CFAP20DC: variants seen among roughly 807,000 people sequenced by gnomAD.
CFAP20DC encodes the protein CFAP20 domain containing, also known as protein CFAP20DC.
CFAP20DC carries 84 observed loss-of-function variants against 101.7 expected under a neutral mutation model. That is an observed-to-expected ratio of 0.83 (90% CI 0.69 to 0.99). The LOEUF (loss-of-function observed/expected upper bound fraction) is 0.99. CFAP20DC is among the 50% of genes least tolerant of loss of function. The pLI is 0.00. For missense variants in CFAP20DC, 1,007 were observed against 970.3 expected (o/e 1.04, Z -0.50); for synonymous variants, 359 against 351.2 (o/e 1.02, Z -0.25).
intron 15 of CFAP20DC, among the ~76,000 whole-genome samples, chr3:58,796,216 C>T (rs1265817964): frequency 6.6e-6 from 1 of 152,256 alleles, no homozygotes; most frequent in East Asian, 1.9e-4. Context: ...AGTGATGGGT[C>T]AGGGGACCAC....
intron 7 of CFAP20DC, among the ~76,000 whole-genome samples, chr3:58,872,130 C>T (rs1447761267): frequency 2.6e-5 from 4 of 152,154 alleles, no homozygotes; most frequent in Non-Finnish European, 2.9e-5. Flanking sequence ...GAAAACACTG[C>T]CCATTACCTA....
chr3:58,987,249 T>C (rs1182433418), intron 4 of CFAP20DC, among the ~76,000 whole-genome samples: 4 of 152,100 alleles, frequency 2.6e-5, no homozygotes, highest in Non-Finnish European at 5.9e-5. Flanking sequence ...TTAAGTCAAA[T>C]ATGAGTGTTA....
At chr3:59,042,979 G>A (rs1229109782) in intron 3 of CFAP20DC, among the ~76,000 whole-genome samples, 2 of 152,116 alleles carry the variant, frequency 1.3e-5, no homozygotes, top group Non-Finnish European at 2.9e-5. Flanking sequence ...AGCAGAAATG[G>A]GGCAGCCTGC....
chr3:58,725,033 A>G (rs1285491296), intron 3 of CFAP20DC, among the ~76,000 whole-genome samples: 1 of 152,238 alleles, frequency 6.6e-6, no homozygotes, highest in Non-Finnish European at 1.5e-5. Context: ...ATTAATGACA[A>G]TTATGGCAAT....
chr3:58,785,243 G>T (rs1328166946), intron 15 of CFAP20DC, among the ~76,000 whole-genome samples: 1 of 152,050 alleles, frequency 6.6e-6, no homozygotes, highest in Non-Finnish European at 1.5e-5. Context: ...ATCTCATGGA[G>T]GTAGAGAGTA....
chr3:59,014,532 T>C lies in CFAP20DC; in HGVS notation c.278+25025A>G, dbSNP rs1308685102. ...GTAACAGTTGAAAAGCCTGAATTTTTCTGACAGTACTTGCAGTTAAATTTT... is the reference window on the plus strand; with the variant it reads ...GTAACAGTTGAAAAGCCTGAATTTTCCTGACAGTACTTGCAGTTAAATTTT... On this transcript the variant is annotated intron_variant, in intron 4 of 16. Transcript: ENST00000482387. The surrounding 1 kb of genome is among the most constrained non-coding windows in gnomAD (Gnocchi z 4.9). Among the ~76,000 whole-genome samples, 3 of 152,202 alleles carry C rather than the reference T, an allele frequency of 2.0e-5. No individual in the cohort carries two copies. The highest frequency in any genetic ancestry group is 7.2e-5 in the African/African-American group (3 of 41,468).
intron 6 of CFAP20DC, among the ~76,000 whole-genome samples, chr3:58,895,646 T>C (rs891853852): frequency 1.3e-5 from 2 of 152,226 alleles, no homozygotes; most frequent in African/African-American, 2.4e-5. Context: ...AAGTTGTTTC[T>C]ACATTTTCAG....
chr3:59,025,097 A>G (rs1172463494), intron 4 of CFAP20DC, among the ~76,000 whole-genome samples: 2 of 152,192 alleles, frequency 1.3e-5, no homozygotes, highest in African/African-American at 4.8e-5. Flanking sequence ...GCTTCTTCAC[A>G]GTTGAACATT....
chr3:58,902,820 T>C lies in CFAP20DC; in HGVS notation c.550+10888A>G, dbSNP rs139987496. Among the ~76,000 whole-genome samples the C allele has an allele frequency of 5.9e-3, 905 of 152,288 alleles. 8 individuals carry two copies. The highest frequency in any genetic ancestry group is 0.018 in the South Asian group (89 of 4,824). ...TAAATCATCTCTATATTACCTACAA[T>C]ACCTAATACAATGAAAATGCTAGGA... On this transcript the variant is annotated intron_variant, in intron 6 of 16. Transcript: ENST00000482387.
At chr3:58,759,536 T>C (rs2069321697) in intron 15 of CFAP20DC, among the ~76,000 whole-genome samples, 1 of 152,244 alleles carries the variant, frequency 6.6e-6, no homozygotes, top group Non-Finnish European at 1.5e-5. Context: ...CTCTTCAGTT[T>C]AATTAGATCC....
chr3:58,729,680 G>T lies in CFAP20DC; in HGVS notation c.198-12052C>A, dbSNP rs568923749. ...ATTTATTTGTATAAGCTTTTTAGTT[G>T]TTCCCAATGCAAGGCCTGGTCTATA... On this transcript the variant is annotated intron_variant, in intron 3 of 3. Transcript: ENST00000486145. The surrounding 1 kb of genome is among the most constrained non-coding windows in gnomAD (Gnocchi z 4.4). Among the ~76,000 whole-genome samples, 3 of 152,000 alleles carry T rather than the reference G, an allele frequency of 2.0e-5. No individual in the cohort carries two copies. The highest frequency in any genetic ancestry group is 2.9e-5 in the Non-Finnish European group (2 of 67,962).
At chr3:59,040,981 A>G (rs998049741) in intron 3 of CFAP20DC, among the ~76,000 whole-genome samples, 4 of 152,078 alleles carry the variant, frequency 2.6e-5, no homozygotes, top group African/African-American at 2.4e-5. Flanking sequence ...TGACTTTACC[A>G]TATTTATGGG....
At chr3:58,814,328 A>C in intron 14 of CFAP20DC, among the ~76,000 whole-genome samples, 1 of 151,880 alleles carries the variant, frequency 6.6e-6, no homozygotes, top group Non-Finnish European at 1.5e-5. Context: ...AAAAACTCTC[A>C]ATAAATTAGG....
At chr3:58,962,020 G>A (rs1432793952) in intron 4 of CFAP20DC, among the ~76,000 whole-genome samples, 1 of 152,040 alleles carries the variant, frequency 6.6e-6, no homozygotes, top group African/African-American at 2.4e-5. Flanking sequence ...TTTCTGATCT[G>A]TGATTTCTAC....
At position 58,882,927 on chromosome 3, in the gene CFAP20DC, C is replaced by T. The variant is rs867082952; in HGVS notation, c.715+1618G>A. 4.6e-5 allele frequency among the ~76,000 whole-genome samples: 7 copies of T among 152,118 alleles called. No homozygotes were observed. In the South Asian group the frequency reaches 8.3e-4, roughly 18 times the overall value. On this transcript the variant is annotated intron_variant, in intron 7 of 16. Coordinates refer to ENST00000482387, the MANE Select transcript of CFAP20DC (RefSeq NM_001394063.1). This position sits in a 1 kb window ranked among gnomAD's most constrained non-coding sequence, Gnocchi z 4.2. ...CTAAATAATGTACTGCTTATTTATA[C>T]ATAGTCATCTGCAGGATTTATACTG...
chr3:58,749,100 C>T (rs961252017), intron 16 of CFAP20DC, among the ~76,000 whole-genome samples: 6 of 152,094 alleles, frequency 3.9e-5, no homozygotes, highest in Non-Finnish European at 7.4e-5. Flanking sequence ...AATAAATCTT[C>T]GAGGTACAAA....
In CFAP20DC at chr3:58,971,864, T is replaced by TACACACACACACACAC. The variant is rs34030341; in HGVS notation, c.279-34118_279-34103dup. Among the ~76,000 whole-genome samples, 1 of 142,380 alleles carries TACACACACACACACAC rather than the reference T, an allele frequency of 7.0e-6. No homozygotes were observed. The highest frequency in any genetic ancestry group is 1.6e-5 in the Non-Finnish European group (1 of 64,158). 93.4% of individuals were successfully genotyped at this position (142,380 alleles called of 152,430 possible). Reference sequence around the variant, plus strand: ...CTGTAATATCATACACACGCACACATACACACACACACACACACACACACA... The same window carrying TACACACACACACACAC: ...CTGTAATATCATACACACGCACACATACACACACACACACACACACACACACACACACACACACACA... On this transcript the variant is annotated intron_variant, in intron 4 of 16. Transcript: ENST00000482387. The surrounding 1 kb of genome is among the most constrained non-coding windows in gnomAD (Gnocchi z 4.1).
intron 15 of CFAP20DC, among the ~76,000 whole-genome samples, chr3:58,758,031 C>T (rs1052008287): frequency 1.3e-5 from 2 of 152,084 alleles, no homozygotes; most frequent in Admixed American, 1.3e-4. Flanking sequence ...CTGGAGTATG[C>T]AGCATTGCCC....
intron 15 of CFAP20DC, among the ~76,000 whole-genome samples, chr3:58,801,461 T>C (rs756521656): frequency 6.6e-6 from 1 of 152,162 alleles, no homozygotes; most frequent in Non-Finnish European, 1.5e-5. Flanking sequence ...AAATTCAACT[T>C]ACTTGTTTTA....
Sources: allele counts gnomAD v4.1 joint callset (sites outside exome capture counted in the v4.1 genomes callset), GRCh38; gene constraint gnomAD v4.1.1; non-coding constraint Gnocchi (gnomAD v3.1); transcripts MANE v1.5; gene names NCBI Gene and HGNC (gene_info 2026-07-23, HGNC 2026-07-21).